TAOK1: variants seen among roughly 807,000 people sequenced by gnomAD.
TAOK1 encodes the protein TAO kinase 1, also known as serine/threonine-protein kinase TAO1.
Under a neutral mutation model 138.3 loss-of-function variants are expected in TAOK1, and 21 were observed. That is an observed-to-expected ratio of 0.15 (90% confidence interval 0.11 to 0.22). The LOEUF is 0.22. Among genes scored for constraint, TAOK1 ranks in the 10% least tolerant of loss-of-function variants. The pLI is 1.00. For missense variants in TAOK1, 651 were observed against 1,227.7 expected (o/e 0.53, Z 7.02); for synonymous variants, 361 against 398.4 (o/e 0.91, Z 1.12).
At chr17:29,478,399 C>A in intron 6 of TAOK1, 52 bp downstream of exon 6, 1 of 1,249,370 alleles carries the variant, frequency 8.0e-7, no homozygotes, top group South Asian at 1.7e-5. Context: ...GTTGCATATA[C>A]CAACTTTAGA....
rs1335854939 is a variant in TAOK1, at chr17:29,543,657, AAATCCATGAACACTAAAGGAC to A, written c.*636_*656del. 6.6e-6 allele frequency: 1 copy of A among 152,532 alleles called. No individual in the cohort carries two copies. The highest frequency in any genetic ancestry group is 2.4e-5 in the African/African-American group (1 of 41,458). The allele number at this position is 152,532 out of a possible 1,614,324, so 9.4% of individuals were successfully genotyped here. A position where few individuals can be genotyped will look rare whatever the true frequency, so the allele number is the denominator to read the frequency against. On this transcript the variant is annotated 3_prime_UTR_variant, in exon 20 of 20. Transcript: ENST00000261716. Reference sequence around the variant, plus strand: ...GCCTTTTGGCTAAGATCAAGTGTAGAAATCCATGAACACTAAAGGACTTCATTGATTTTTTCAGAGAGTAGA... The same window carrying A: ...GCCTTTTGGCTAAGATCAAGTGTAGATTCATTGATTTTTTCAGAGAGTAGA...
chr17:29,503,916 G>C (rs1480339346), intron 13 of TAOK1, among the ~76,000 whole-genome samples: 1 of 152,040 alleles, frequency 6.6e-6, no homozygotes, highest in African/African-American at 2.4e-5. Flanking sequence ...TTCAAGACCA[G>C]CCTGGCCAAC....
chr17:29,410,619 G>GTTTTTTTTTTTTTTTTGTT (rs61646352), intron 1 of TAOK1, among the ~76,000 whole-genome samples: 1 of 125,980 alleles, frequency 7.9e-6, no homozygotes, highest in African/African-American at 2.9e-5. Context: ...AGGGTTTTTT[G>GTTTTTTTTTTTTTTTTGTT]TTTTTTTTTT....
Position 29,550,876 on chromosome 17 carries a change from C to G in TAOK1, c.*7854C>G, listed in dbSNP as rs947468383. The G allele has an allele frequency of 6.6e-6, 1 of 152,528 alleles. No individual in the cohort carries two copies. The highest frequency in any genetic ancestry group is 1.5e-5 in the Non-Finnish European group (1 of 68,022). 9.4% of individuals were successfully genotyped at this position (152,528 alleles called of 1,614,324 possible). ...TTCTTCACTTCCCTCTTCCTTTCTA[C>G]TAACTCCTTCCTTAAAGGCCATATC... On this transcript the variant is annotated 3_prime_UTR_variant, in exon 20 of 20. Transcript: ENST00000261716.
intron 13 of TAOK1, among the ~76,000 whole-genome samples, chr17:29,507,427 CAT>C (rs1442535428): frequency 2.6e-5 from 4 of 151,954 alleles, no homozygotes; most frequent in Admixed American, 2.6e-4. Context: ...TTATATATGA[CAT>C]AAGTGATATA....
chr17:29,446,538 G>A (rs1163126103), intron 1 of TAOK1, among the ~76,000 whole-genome samples: 2 of 151,962 alleles, frequency 1.3e-5, no homozygotes, highest in East Asian at 3.9e-4. Context: ...ACCGCACCCA[G>A]GCTGTATTTT....
intron 1 of TAOK1, among the ~76,000 whole-genome samples, chr17:29,436,061 C>A (rs901336744): frequency 4.6e-5 from 7 of 152,188 alleles, no homozygotes; most frequent in African/African-American, 1.7e-4. Flanking sequence ...ACCCGGGAGG[C>A]AGAGGTTGCA....
chr17:29,484,139 C>A (rs761408912), intron 8 of TAOK1, among the ~76,000 whole-genome samples: 1 of 152,184 alleles, frequency 6.6e-6, no homozygotes, highest in Non-Finnish European at 1.5e-5. Flanking sequence ...TCCTTTCTAG[C>A]TTCTTTTTAT....
intron 6 of TAOK1, among the ~76,000 whole-genome samples, chr17:29,479,145 CAAAA>C (rs373418404): frequency 2.4e-5 from 2 of 83,040 alleles, no homozygotes; most frequent in African/African-American, 7.9e-5. Flanking sequence ...AACTCTGTCT[CAAAA>C]AAAAAAAAAA....
At chr17:29,516,457 C>T (rs2031815911) in intron 15 of TAOK1, among the ~76,000 whole-genome samples, 2 of 151,710 alleles carry the variant, frequency 1.3e-5, no homozygotes, top group African/African-American at 2.4e-5. Flanking sequence ...GCCTCAGCCT[C>T]CCAAGTAGCT....
At chr17:29,449,999 G>C (rs2030191817) in intron 1 of TAOK1, among the ~76,000 whole-genome samples, 1 of 152,070 alleles carries the variant, frequency 6.6e-6, no homozygotes, top group Non-Finnish European at 1.5e-5. Context: ...TAACCCTCCT[G>C]ATTACACTGT....
intron 1 of TAOK1, among the ~76,000 whole-genome samples, chr17:29,412,997 A>C (rs988714991): frequency 1.3e-5 from 2 of 152,146 alleles, no homozygotes; most frequent in African/African-American, 4.8e-5. Flanking sequence ...TTCATATCTT[A>C]ATTGGGTCTT....
intron 1 of TAOK1, among the ~76,000 whole-genome samples, chr17:29,434,616 T>C (rs1449097536): frequency 6.6e-6 from 1 of 152,128 alleles, no homozygotes; most frequent in Non-Finnish European, 1.5e-5. Flanking sequence ...ATAGGAATTA[T>C]TTGTCTCACC....
intron 1 of TAOK1, among the ~76,000 whole-genome samples, chr17:29,395,824 A>AT (rs1187461666): frequency 0.14 from 10,228 of 72,172 alleles, 1,049 homozygotes; most frequent in Middle Eastern, 0.17. Context: ...CGTCTGGCTA[A>AT]TTTTTTTTTT....
intron 8 of TAOK1, among the ~76,000 whole-genome samples, chr17:29,489,332 T>C (rs1442796654): frequency 4.6e-5 from 7 of 152,046 alleles, no homozygotes; most frequent in Admixed American, 4.6e-4. Flanking sequence ...ACCCCATCTC[T>C]ACAGAAAATA....
In TAOK1 at chr17:29,454,006, G is replaced by A. The variant is rs578093541; in HGVS notation, c.132+2326G>A. ...TTGCTTTTTTTTTTTTTTGGAAATG[G>A]GGTTTTGCTATGTTGCCCAGGCTGG... is the stretch of plus-strand genomic sequence containing the variant. On this transcript the variant is annotated intron_variant, in intron 2 of 19. Transcript: ENST00000261716. 1.4e-3 allele frequency among the ~76,000 whole-genome samples: 213 copies of A among 150,908 alleles called. 1 individual carries two copies. Among genetic ancestry groups the A allele is most frequent in the African/African-American group, 4.8e-3 (196 of 41,098 alleles).
At position 29,544,860 on chromosome 17, in the gene TAOK1, CTT is replaced by C. The variant is rs1173245281; in HGVS notation, c.*1840_*1841del. On this transcript the variant is annotated 3_prime_UTR_variant, in exon 20 of 20. Transcript: ENST00000261716. The stretch of plus-strand genomic sequence containing the variant: ...TCTCTAAGTCCCTCTCAATGGCACT[CTT>C]TGCCTAGACCAAACTAATGACCAAA... The C allele has an allele frequency of 6.6e-6, 1 of 152,206 alleles. No homozygotes were observed. The highest frequency in any genetic ancestry group is 6.5e-5 in the Admixed American group (1 of 15,274). 9.4% of individuals were successfully genotyped at this position (152,206 alleles called of 1,614,324 possible).
chr17:29,409,333 A>ATTTTTTTTTTT (rs869195465), intron 1 of TAOK1, among the ~76,000 whole-genome samples: 1 of 59,056 alleles, frequency 1.7e-5, no homozygotes, highest in African/African-American at 6.7e-5. Flanking sequence ...ATATATATAT[A>ATTTTTTTTTTT]TTTTTTTTTT....
chr17:29,545,496 G>A lies in TAOK1; in HGVS notation c.*2474G>A, dbSNP rs1056020397. ...TAAATTAGTCAAATTGAGAGTTACT[G>A]AGTCCATTCAGATCTCCAGTAGGGT... On this transcript the variant is annotated 3_prime_UTR_variant, in exon 20 of 20. Transcript: ENST00000261716. 1.3e-5 allele frequency: 2 copies of A among 152,126 alleles called. No individual in the cohort carries two copies. The highest frequency in any genetic ancestry group is 2.9e-5 in the Non-Finnish European group (2 of 68,010). 9.4% of individuals were successfully genotyped at this position (152,126 alleles called of 1,614,324 possible).
Sources: allele counts gnomAD v4.1 joint callset (sites outside exome capture counted in the v4.1 genomes callset), GRCh38; gene constraint gnomAD v4.1.1; transcripts MANE v1.5; gene names NCBI Gene and HGNC (gene_info 2026-07-23, HGNC 2026-07-21).